PTPRD: variants seen among roughly 807,000 people sequenced by gnomAD.
The protein encoded by PTPRD is protein tyrosine phosphatase receptor type D.
In PTPRD, 34 loss-of-function variants were observed where a neutral mutation model predicts 214.5. The observed-to-expected ratio is 0.16, with a 90% confidence interval of 0.12 to 0.21. The LOEUF is 0.21. Ranked by LOEUF, PTPRD falls within the 10% of genes least tolerant of loss-of-function variation. The pLI is 1.00. For missense variants in PTPRD, 2,545 were observed against 2,398.7 expected (o/e 1.06, Z -1.27); for synonymous variants, 1,128 against 845.7 (o/e 1.33, Z -5.79).
At chr9:10,564,142 G>A (rs925869923) in intron 2 of PTPRD, among the ~76,000 whole-genome samples, 2 of 122,136 alleles carry the variant, frequency 1.6e-5, no homozygotes, top group East Asian at 2.3e-4. Context: ...GGGACTACTC[G>A]GGAGTGTGCA....
chr9:8,382,592 C>T (rs1176922411), intron 37 of PTPRD, among the ~76,000 whole-genome samples: 2 of 152,166 alleles, frequency 1.3e-5, no homozygotes, highest in Non-Finnish European at 2.9e-5. Flanking sequence ...TGGTGGGATT[C>T]TTTCTCTTTT....
At chr9:10,092,807 C>A (rs1176922592) in intron 3 of PTPRD, among the ~76,000 whole-genome samples, 3 of 151,452 alleles carry the variant, frequency 2.0e-5, no homozygotes, top group Non-Finnish European at 3.0e-5. Flanking sequence ...CACATACCTA[C>A]AACCACCTGA....
At chr9:9,023,849 C>A (rs575128994) in intron 10 of PTPRD, among the ~76,000 whole-genome samples, 19 of 151,998 alleles carry the variant, frequency 1.3e-4, no homozygotes, top group African/African-American at 2.2e-4. Flanking sequence ...ATTTTACTTG[C>A]TTTTTTAATC....
At chr9:8,882,759 C>T (rs572646032) in intron 11 of PTPRD, among the ~76,000 whole-genome samples, 3 of 151,798 alleles carry the variant, frequency 2.0e-5, no homozygotes, top group East Asian at 3.9e-4. Flanking sequence ...GTGGTGGGTG[C>T]CTGCAGTCTC....
At chr9:10,432,035 C>A (rs1238290693) in intron 2 of PTPRD, among the ~76,000 whole-genome samples, 2 of 151,780 alleles carry the variant, frequency 1.3e-5, no homozygotes, top group East Asian at 3.9e-4. Flanking sequence ...GAAACCAACC[C>A]AAATGTCCAA....
intron 5 of PTPRD, among the ~76,000 whole-genome samples, chr9:9,781,041 A>C (rs1261140659): frequency 6.6e-6 from 1 of 152,160 alleles, no homozygotes; most frequent in East Asian, 1.9e-4. Flanking sequence ...GTGGAGACCG[A>C]GGAACAAATA....
intron 3 of PTPRD, among the ~76,000 whole-genome samples, chr9:10,241,149 T>C (rs1020094630): frequency 6.6e-6 from 1 of 151,942 alleles, no homozygotes; most frequent in African/African-American, 2.4e-5. Flanking sequence ...CATGATGAGA[T>C]ACTACTCTGT....
chr9:8,761,284 G>C (rs868833903), intron 11 of PTPRD, among the ~76,000 whole-genome samples: 1 of 152,164 alleles, frequency 6.6e-6, no homozygotes, highest in African/African-American at 2.4e-5. Flanking sequence ...GCTATAAAAA[G>C]AGACTAGGAC....
chr9:9,149,811 C>T (rs1259531248), intron 10 of PTPRD, among the ~76,000 whole-genome samples: 2 of 152,180 alleles, frequency 1.3e-5, no homozygotes, highest in African/African-American at 4.8e-5. Context: ...CTGGCAGCTG[C>T]CTGGCTGTAC....
chr9:8,530,199 T>C (rs577595498), intron 14 of PTPRD, among the ~76,000 whole-genome samples: 22 of 152,180 alleles, frequency 1.4e-4, no homozygotes, highest in Admixed American at 1.3e-4. Context: ...GTCAACAGCA[T>C]GTGTTCTCCA....
intron 8 of PTPRD, among the ~76,000 whole-genome samples, chr9:9,564,390 C>T (rs2083771659): frequency 6.6e-6 from 1 of 151,996 alleles, no homozygotes; most frequent in Non-Finnish European, 1.5e-5. Context: ...TCAGAATCTC[C>T]CTGGCATAAC....
chr9:10,362,796 C>T (rs530792256), intron 2 of PTPRD, among the ~76,000 whole-genome samples: 12 of 152,250 alleles, frequency 7.9e-5, no homozygotes, highest in African/African-American at 2.9e-4. Context: ...AGAAGAATCG[C>T]TTGAACCCGG....
At position 10,119,911 on chromosome 9, in the gene PTPRD, G is replaced by A. The variant is rs114886318; in HGVS notation, c.-544-86121C>T. On this transcript the variant is annotated intron_variant, in intron 3 of 45. Transcript: ENST00000381196. Reference sequence around the variant, plus strand: ...CTTAGAAAATATCTAGTTTTCCAACGAAGACAGGCATTTTGGCCCACTTCA... The same window carrying A: ...CTTAGAAAATATCTAGTTTTCCAACAAAGACAGGCATTTTGGCCCACTTCA... 6.4e-3 allele frequency among the ~76,000 whole-genome samples: 973 copies of A among 152,024 alleles called. 13 individuals are homozygous for A. The highest frequency in any genetic ancestry group is 0.023 in the African/African-American group (935 of 41,512).
intron 7 of PTPRD, among the ~76,000 whole-genome samples, chr9:9,656,660 T>A (rs919378985): frequency 6.6e-6 from 1 of 152,074 alleles, no homozygotes; most frequent in Non-Finnish European, 1.5e-5. Context: ...ATTTTTAGGG[T>A]GATGAAACAG....
intron 8 of PTPRD, among the ~76,000 whole-genome samples, chr9:9,521,735 A>C (rs541942647): frequency 6.6e-6 from 1 of 152,346 alleles, no homozygotes; most frequent in Admixed American, 6.5e-5. Context: ...AAAGGTTAAC[A>C]AAGTAAATAT....
At chr9:8,895,799 T>A (rs1406214396) in intron 11 of PTPRD, among the ~76,000 whole-genome samples, 1 of 152,154 alleles carries the variant, frequency 6.6e-6, no homozygotes, top group Non-Finnish European at 1.5e-5. Context: ...CCTTCTAGAT[T>A]TAACTCTCAT....
At chr9:8,888,785 T>G (rs2098512867) in intron 11 of PTPRD, among the ~76,000 whole-genome samples, 1 of 152,194 alleles carries the variant, frequency 6.6e-6, no homozygotes, top group African/African-American at 2.4e-5. Context: ...GCATGTTGCA[T>G]GCAAAGCATG....
At chr9:9,076,118 T>C (rs1296464918) in intron 10 of PTPRD, among the ~76,000 whole-genome samples, 5 of 152,214 alleles carry the variant, frequency 3.3e-5, no homozygotes, top group Non-Finnish European at 5.9e-5. Flanking sequence ...TGGTATGAGA[T>C]GGTATCTCAC....
chr9:9,283,930 A>G (rs755148852), intron 9 of PTPRD, among the ~76,000 whole-genome samples: 12 of 151,640 alleles, frequency 7.9e-5, no homozygotes, highest in Non-Finnish European at 1.8e-4. Flanking sequence ...ACTATATTCA[A>G]TCTTTCTTAG....
Sources: allele counts gnomAD v4.1 joint callset (sites outside exome capture counted in the v4.1 genomes callset), GRCh38; gene constraint gnomAD v4.1.1; transcripts MANE v1.5; gene names NCBI Gene and HGNC (gene_info 2026-07-23, HGNC 2026-07-21).